RNF38: variants seen among roughly 807,000 people sequenced by gnomAD.
The protein encoded by RNF38 is E3 ubiquitin-protein ligase RNF38.
A neutral mutation model predicts 67.2 loss-of-function variants in RNF38; 15 were observed. The observed-to-expected ratio is 0.22, with a 90% CI of 0.15 to 0.34. The LOEUF is 0.34. Among genes scored for constraint, RNF38 ranks in the 10% least tolerant of loss-of-function variants. The pLI, the probability that RNF38 is intolerant of heterozygous loss-of-function variation, is 1.00. For synonymous variants in RNF38, 220 were observed against 218.8 expected (o/e 1.01, Z -0.05); for missense variants, 524 against 639.9 (o/e 0.82, Z 1.95).
At chr9:36,383,088 G>C (rs1375949990) in intron 2 of RNF38, among the ~76,000 whole-genome samples, 1 of 152,086 alleles carries the variant, frequency 6.6e-6, no homozygotes, top group African/African-American at 2.4e-5. Context: ...AGAAAATTAA[G>C]AATTTTATAT....
Position 36,356,452 on chromosome 9 carries a change from G to C in RNF38, c.760C>G (p.Gln254Glu). ...PPPMLQACSV[Q>E]HLPVPYAAFP... ...GCAGCATATGGTACTGGTAAGTGCTGAACTGAACATGCCTGAAGCATCTGT... is the reference window on the plus strand; with the variant it reads ...GCAGCATATGGTACTGGTAAGTGCTCAACTGAACATGCCTGAAGCATCTGT... Residue 254 changes from glutamine (Q) to glutamate (E), a missense_variant, in exon 6 of 12, where the codon CAG (glutamine) becomes GAG (glutamate). By Grantham distance (29) the Gln-to-Glu change is conservative. This residue lies in a region of RNF38 where 461 missense variants were observed against 517.4 expected (regional missense o/e 0.89). Coordinates refer to ENST00000259605, the MANE Select transcript of RNF38 (RefSeq NM_022781.5). 6.2e-7 allele frequency: 1 copy of C among 1,608,080 alleles called. No individual in the cohort carries two copies. The highest frequency in any genetic ancestry group is 8.5e-7 in the Non-Finnish European group (1 of 1,177,440).
chr9:36,352,840 A>T lies in RNF38; in HGVS notation c.1080T>A (p.Pro360=). ...CTGTAAGCCTCCGAGGCATAAATGG[A>T]GGATAAGGCTGCAAGGGGAAAAATG... The part of the protein sequence containing the change: ...HQEVSFGVPY[P]PFMPRRLTGR... The change falls in exon 8 of 12, where the codon CCT becomes CCA. Residue 360 remains proline (P), a synonymous_variant. Coordinates refer to ENST00000259605, the MANE Select transcript of RNF38 (RefSeq NM_022781.5). 1 of 1,612,100 alleles carries T rather than the reference A, an allele frequency of 6.2e-7. No individual in the cohort carries two copies. Among genetic ancestry groups the T allele is most frequent in the South Asian group, 1.1e-5 (1 of 91,028 alleles).
At chr9:36,372,353 G>A (rs1016548893) in intron 3 of RNF38, 5 of 555,740 alleles carry the variant, frequency 9.0e-6, no homozygotes, top group Non-Finnish European at 1.6e-5. Context: ...ATTCGATCTT[G>A]CTTGTTCTAT....
chr9:36,358,609 G>A (rs1834299765), intron 4 of RNF38, among the ~76,000 whole-genome samples: 1 of 152,240 alleles, frequency 6.6e-6, no homozygotes, highest in South Asian at 2.1e-4. Flanking sequence ...GTACTAGCCA[G>A]ATATTTTAAG....
Position 36,375,968 on chromosome 9 carries a change from C to G in RNF38, c.322G>C (p.Glu108Gln). 6.2e-7 allele frequency: 1 copy of G among 1,612,816 alleles called. No homozygotes were observed. Among genetic ancestry groups the G allele is most frequent in the Non-Finnish European group, 8.5e-7 (1 of 1,179,590 alleles). The change falls in exon 3 of 12, where the codon GAA becomes CAA. Residue 108 changes from glutamate (E) to glutamine (Q), a missense_variant. Physicochemically the swap from Glu to Gln is conservative, Grantham distance 29 (BLOSUM62 2). This residue lies in a region of RNF38 where 461 missense variants were observed against 517.4 expected (regional missense o/e 0.89). Coordinates refer to ENST00000259605, the MANE Select transcript of RNF38 (RefSeq NM_022781.5). The part of the protein sequence containing the change: ...VRPSQHHFSG[E>Q]RCNTPARNRR... ...TTGCGTGCAGGTGTGTTGCATCGTT[C>G]CCCTGAGAAGTGATGTTGGCTTGGT...
chr9:36,436,700 G>A (rs1370819602), intron 1 of RNF38, among the ~76,000 whole-genome samples: 2 of 151,506 alleles, frequency 1.3e-5, no homozygotes, highest in Middle Eastern at 3.2e-3. Context: ...GCAGGCGCCT[G>A]TAGTCCCAGC....
chr9:36,430,732 G>C (rs556644489), intron 1 of RNF38, among the ~76,000 whole-genome samples: 13 of 151,874 alleles, frequency 8.6e-5, no homozygotes, highest in East Asian at 3.9e-4. Context: ...TGAGGACTTC[G>C]GGCGGCGGGG....
In RNF38 at chr9:36,456,456, A is replaced by C. The variant is rs543065055; in HGVS notation, n.241+30852T>G. ...GTCACTAAAATGCAAAGTAATTTTA[A>C]ACTTTTCATGACACATAAACATCGC... On this transcript the variant is annotated intron_variant and non_coding_transcript_variant, in intron 1 of 3. Transcript: ENST00000488058. Among the ~76,000 whole-genome samples, 5 of 152,340 alleles carry C rather than the reference A, an allele frequency of 3.3e-5. No individual in the cohort carries two copies. In the South Asian group the frequency reaches 1.0e-3, roughly 32 times the overall value.
At position 36,462,434 on chromosome 9, in the gene RNF38, T is replaced by TA. The variant is rs141630419; in HGVS notation, n.241+24873dup. ...CAGAAAGATCCTAGAAGGGAAGTCA[T>TA]ACCATATATCACCACTCCTCTGCTC... On this transcript the variant is annotated intron_variant and non_coding_transcript_variant, in intron 1 of 3. Transcript: ENST00000488058. Among the ~76,000 whole-genome samples the TA allele has an allele frequency of 5.5e-3, 831 of 152,210 alleles. 11 individuals are homozygous for TA. Among genetic ancestry groups the TA allele is most frequent in the African/African-American group, 0.019 (790 of 41,522 alleles).
chr9:36,393,524 G>GTGTGTGTGT (rs1554689613), intron 1 of RNF38, among the ~76,000 whole-genome samples: 1,158 of 84,206 alleles, frequency 0.014, 10 homozygotes, highest in East Asian at 0.024. Flanking sequence ...TGTGTGTGTG[G>GTGTGTGTGT]GGCAGGCAGT....
At chr9:36,385,910 G>A (rs1285538757) in intron 2 of RNF38, among the ~76,000 whole-genome samples, 2 of 152,114 alleles carry the variant, frequency 1.3e-5, no homozygotes, top group African/African-American at 4.8e-5. Context: ...CTCGCTGACC[G>A]ACTACCACTT....
rs1288182541 is a variant in RNF38, at chr9:36,338,027, G to A, written c.*1725C>T. The A allele has an allele frequency of 2.0e-5, 3 of 152,638 alleles. No individual in the cohort carries two copies. The highest frequency in any genetic ancestry group is 7.2e-5 in the African/African-American group (3 of 41,436). The allele number at this position is 152,638 out of a possible 1,614,324, so 9.5% of individuals were successfully genotyped here. On this transcript the variant is annotated 3_prime_UTR_variant, in exon 12 of 12. Coordinates refer to ENST00000259605, the MANE Select transcript of RNF38 (RefSeq NM_022781.5). ...CAGTAACAAGTAGTTAACACTGAAT[G>A]GAAAACTGACACAGAGCCAACTGAA... is the stretch of plus-strand genomic sequence containing the variant.
At chr9:36,447,727 C>G (rs1027641187) in intron 1 of RNF38, among the ~76,000 whole-genome samples, 4 of 152,166 alleles carry the variant, frequency 2.6e-5, no homozygotes, top group African/African-American at 9.7e-5. Context: ...GAAATGTAAA[C>G]ATAGGAAGAA....
chr9:36,406,435 A>AT (rs1838184802), intron 2 of RNF38, among the ~76,000 whole-genome samples: 1 of 152,220 alleles, frequency 6.6e-6, no homozygotes, highest in South Asian at 2.1e-4. Context: ...TATCCCTACT[A>AT]TAATCTCACT....
chr9:36,400,073 G>T, intron 1 of RNF38, 24 bp downstream of exon 1: 1 of 1,606,396 alleles, frequency 6.2e-7, no homozygotes, highest in Non-Finnish European at 8.5e-7. Context: ...TATCATTTTT[G>T]CAACACAAAG....
chr9:36,339,787 C>T lies in RNF38; in HGVS notation c.1513G>A (p.Ala505Thr). 6.2e-7 allele frequency: 1 copy of T among 1,613,462 alleles called. No individual in the cohort carries two copies. The highest frequency in any genetic ancestry group is 8.5e-7 in the Non-Finnish European group (1 of 1,179,652). ...KANRTCPICR[A>T]DASEVHRDSE ...TCCCGATGCACTTCTGAAGCATCAG[C>T]TCGGCAAATTGGGCAAGTACGATTT... Residue 505 changes from alanine to threonine, a missense_variant, in exon 12 of 12, where the codon GCT becomes ACT. This residue lies in a region of RNF38 where 63 missense variants were observed against 122.5 expected (regional missense o/e 0.51). Coordinates refer to ENST00000259605, the MANE Select transcript of RNF38 (RefSeq NM_022781.5).
intron 1 of RNF38, among the ~76,000 whole-genome samples, chr9:36,439,368 G>A (rs1324968824): frequency 2.0e-5 from 3 of 152,122 alleles, no homozygotes; most frequent in Non-Finnish European, 4.4e-5. Flanking sequence ...CTTAGATCTT[G>A]AACAAGTGAC....
intron 2 of RNF38, among the ~76,000 whole-genome samples, chr9:36,389,029 T>C (rs1836864275): frequency 6.6e-6 from 1 of 152,044 alleles, no homozygotes; most frequent in Admixed American, 6.6e-5. Flanking sequence ...CTACTTTGCT[T>C]CATGTCGAAC....
intron 9 of RNF38, among the ~76,000 whole-genome samples, chr9:36,346,700 CTG>C (rs1433210838): frequency 6.8e-6 from 1 of 146,878 alleles, no homozygotes; most frequent in African/African-American, 2.5e-5. Context: ...AATGTAATAA[CTG>C]TGTGTTTTAT....
Sources: allele counts gnomAD v4.1 joint callset (sites outside exome capture counted in the v4.1 genomes callset), GRCh38; gene constraint gnomAD v4.1.1; regional missense constraint gnomAD v4.1.1; transcripts MANE v1.5; gene names NCBI Gene and HGNC (gene_info 2026-07-23, HGNC 2026-07-21).